NR2F1-AS1: variants seen among roughly 807,000 people sequenced by gnomAD.
The protein encoded by NR2F1-AS1 is NR2F1 regulatory antisense RNA 1.
intron 4 of NR2F1-AS1, among the ~76,000 whole-genome samples, chr5:93,532,436 T>C (rs1430576111): frequency 2.6e-5 from 4 of 151,964 alleles, no homozygotes; most frequent in East Asian, 1.9e-4. Flanking sequence ...GATTGTGCAA[T>C]AGAATCCTGC....
At chr5:93,581,660 G>GGGTCTC (rs1561518834), upstream of NR2F1-AS1, among the ~76,000 whole-genome samples, 18 of 107,266 alleles carry the variant, frequency 1.7e-4, no homozygotes, top group Admixed American at 4.4e-4. Context: ...TCAGGAATCG[G>GGGTCTC]GGTCTCGGTC....
chr5:93,411,810 G>A (rs1201454552), intron 4 of NR2F1-AS1, among the ~76,000 whole-genome samples: 2 of 152,102 alleles, frequency 1.3e-5, no homozygotes, highest in Non-Finnish European at 2.9e-5. Context: ...TTCATTCCTT[G>A]TCTTTATAAG....
At chr5:93,536,636 C>G (rs968455910) in intron 4 of NR2F1-AS1, among the ~76,000 whole-genome samples, 1 of 152,068 alleles carries the variant, frequency 6.6e-6, no homozygotes, top group Non-Finnish European at 1.5e-5. Context: ...AATTTATGTA[C>G]CTACAGCCAA....
chr5:93,509,909 T>C (rs1489436152), intron 4 of NR2F1-AS1, among the ~76,000 whole-genome samples: 1 of 152,024 alleles, frequency 6.6e-6, no homozygotes, highest in Admixed American at 6.6e-5. Flanking sequence ...AACTATCTTA[T>C]GTATAGTCTC....
At chr5:93,560,308 G>A (rs572178036) in intron 2 of NR2F1-AS1, among the ~76,000 whole-genome samples, 8 of 152,308 alleles carry the variant, frequency 5.3e-5, no homozygotes, top group African/African-American at 1.4e-4. Context: ...TCTTGTTCAC[G>A]TATACTGTAC....
intron 4 of NR2F1-AS1, among the ~76,000 whole-genome samples, chr5:93,440,216 T>A (rs868249616): frequency 2.8e-4 from 42 of 150,100 alleles, no homozygotes; most frequent in South Asian, 1.5e-3. Context: ...TCTCTCTCTC[T>A]CTCACACACA....
chr5:93,428,281 C>T (rs987872183), intron 4 of NR2F1-AS1, among the ~76,000 whole-genome samples: 4 of 152,104 alleles, frequency 2.6e-5, no homozygotes, highest in Non-Finnish European at 4.4e-5. Flanking sequence ...AAATCACTCA[C>T]AAAAATGTGA....
intron 4 of NR2F1-AS1, among the ~76,000 whole-genome samples, chr5:93,518,921 A>G (rs1751448520): frequency 6.6e-6 from 1 of 152,106 alleles, no homozygotes; most frequent in African/African-American, 2.4e-5. Flanking sequence ...GAAATTTATT[A>G]AAGTAGACTT....
intron 1 of NR2F1-AS1, among the ~76,000 whole-genome samples, chr5:93,567,231 T>C (rs1580340586): frequency 6.6e-6 from 1 of 152,236 alleles, no homozygotes; most frequent in African/African-American, 2.4e-5. Flanking sequence ...AACACCTTTT[T>C]TTTTCCTGGG....
intron 1 of NR2F1-AS1, among the ~76,000 whole-genome samples, chr5:93,574,499 A>G (rs1752849508): frequency 6.6e-6 from 1 of 152,160 alleles, no homozygotes; most frequent in Admixed American, 6.5e-5. Flanking sequence ...GAATAAACAT[A>G]GAGTCAGACC....
intron 4 of NR2F1-AS1, among the ~76,000 whole-genome samples, chr5:93,421,790 G>A (rs780639884): frequency 1.3e-5 from 2 of 152,206 alleles, no homozygotes; most frequent in Non-Finnish European, 2.9e-5. Context: ...TCTCCTGACA[G>A]AGATTAGTGG....
At chr5:93,529,546 G>A (rs1751691773) in intron 4 of NR2F1-AS1, among the ~76,000 whole-genome samples, 1 of 151,824 alleles carries the variant, frequency 6.6e-6, no homozygotes, top group African/African-American at 2.4e-5. Context: ...CTTTTCCTGG[G>A]GAGTCAAGGC....
chr5:93,556,276 G>A (rs1752352855), intron 2 of NR2F1-AS1, among the ~76,000 whole-genome samples: 1 of 152,114 alleles, frequency 6.6e-6, no homozygotes, highest in Non-Finnish European at 1.5e-5. Context: ...GAGTTCTCCT[G>A]TTTGTTCTTC....
intron 4 of NR2F1-AS1, among the ~76,000 whole-genome samples, chr5:93,500,637 T>TA (rs1332361295): frequency 6.6e-6 from 1 of 152,164 alleles, no homozygotes; most frequent in Non-Finnish European, 1.5e-5. Flanking sequence ...TTTCAAGTCT[T>TA]ACTAAATTTT....
intron 4 of NR2F1-AS1, among the ~76,000 whole-genome samples, chr5:93,523,446 C>G (rs1436899327): frequency 1.3e-5 from 2 of 152,176 alleles, no homozygotes; most frequent in Non-Finnish European, 2.9e-5. Context: ...AACATTCCTG[C>G]CTGCCGGCTC....
intron 1 of NR2F1-AS1, among the ~76,000 whole-genome samples, chr5:93,565,090 G>T (rs1294221583): frequency 6.6e-6 from 1 of 152,166 alleles, no homozygotes; most frequent in Admixed American, 6.5e-5. Context: ...AATGTGGAGT[G>T]AGGAAAAGAC....
intron 4 of NR2F1-AS1, among the ~76,000 whole-genome samples, chr5:93,537,491 A>C (rs1459017617): frequency 1.3e-5 from 2 of 152,200 alleles, no homozygotes; most frequent in Non-Finnish European, 2.9e-5. Flanking sequence ...TAAAATGGGC[A>C]AAAGACCTTA....
chr5:93,556,033 T>C (rs546700416), intron 2 of NR2F1-AS1, among the ~76,000 whole-genome samples: 1 of 152,242 alleles, frequency 6.6e-6, no homozygotes, highest in African/African-American at 2.4e-5. Context: ...CTTGACAATA[T>C]AACTGAGCCC....
At chr5:93,425,140 G>A (rs1013721737) in intron 4 of NR2F1-AS1, among the ~76,000 whole-genome samples, 26 of 152,242 alleles carry the variant, frequency 1.7e-4, no homozygotes, top group African/African-American at 5.3e-4. Flanking sequence ...AGTTAGTTCC[G>A]TCCGAGCTGA....
Sources: allele counts gnomAD v4.1 joint callset (sites outside exome capture counted in the v4.1 genomes callset), GRCh38; gene constraint gnomAD v4.1.1; transcripts MANE v1.5; gene names NCBI Gene and HGNC (gene_info 2026-07-23, HGNC 2026-07-21).